The following SLC4A5 variants were observed in gnomAD, a reference collection of about 807,000 sequenced individuals.
SLC4A5 encodes solute carrier family 4 member 5.
In SLC4A5, 96 loss-of-function variants were observed where a neutral mutation model predicts 120.4. The ratio of observed to expected loss-of-function variants is 0.80; its 90% CI spans 0.68 to 0.94. The LOEUF is 0.94. Ranked by LOEUF, SLC4A5 falls within the 40% of genes least tolerant of loss-of-function variation. The pLI is 0.00. For missense variants in SLC4A5, 1,259 were observed against 1,459.5 expected, an observed-to-expected ratio of 0.86 and a Z score of 2.24; for synonymous variants, 550 against 571.1, an observed-to-expected ratio of 0.96 and a Z score of 0.53.
chr2:74,313,155 G>A (rs905300986), intron 6 of SLC4A5, among the ~76,000 whole-genome samples: 8 of 151,136 alleles, frequency 5.3e-5, no homozygotes, highest in Admixed American at 4.6e-4. Context: ...GGGTAGCTTG[G>A]ACTATAGGCA....
chr2:74,218,445 T>C (rs1694511669), exon 31 of SLC4A5: 1 of 152,218 alleles, frequency 6.6e-6, no homozygotes, highest in African/African-American at 2.4e-5. Flanking sequence ...GTATTTTAAT[T>C]ACTACAAAGG....
intron 8 of SLC4A5, 144 bp downstream of exon 8, chr2:74,285,628 TG>T: frequency 3.5e-6 from 3 of 854,722 alleles, no homozygotes; most frequent in South Asian, 3.3e-5. Flanking sequence ...TCCTTAGTTC[TG>T]GACACCAAGG....
chr2:74,228,772 A>G (rs1694946259), intron 25 of SLC4A5, among the ~76,000 whole-genome samples: 1 of 151,752 alleles, frequency 6.6e-6, no homozygotes, highest in Non-Finnish European at 1.5e-5. Context: ...CCAACTAACC[A>G]CCAATAGTTT....
intron 10 of SLC4A5, 52 bp from the exon 11 acceptor site, chr2:74,262,284 G>A (rs761755114): frequency 1.6e-5 from 24 of 1,515,486 alleles, no homozygotes; most frequent in African/African-American, 1.1e-4. Flanking sequence ...CTGGTGTAGC[G>A]AAGCCTCTTG....
At chr2:74,301,630 G>T (rs979285227) in intron 7 of SLC4A5, among the ~76,000 whole-genome samples, 31 of 152,270 alleles carry the variant, frequency 2.0e-4, no homozygotes, top group African/African-American at 7.2e-4. Context: ...CAGGTAAAAT[G>T]ATTCTGGCGC....
At chr2:74,327,333 A>G (rs1182283575) in intron 5 of SLC4A5, among the ~76,000 whole-genome samples, 5 of 152,186 alleles carry the variant, frequency 3.3e-5, no homozygotes, top group Non-Finnish European at 7.3e-5. Flanking sequence ...GACAGCCCAG[A>G]GTATTTCAGA....
At chr2:74,306,927 T>A in intron 6 of SLC4A5, 1 of 615,104 alleles carries the variant, frequency 1.6e-6, no homozygotes, top group Non-Finnish European at 3.0e-6. Flanking sequence ...CAGCAGGGCC[T>A]TGTACTCCTG....
At chr2:74,259,674 G>A in intron 11 of SLC4A5, 31 bp from the exon 12 acceptor site, 1 of 1,612,332 alleles carries the variant, frequency 6.2e-7, no homozygotes, top group Non-Finnish European at 8.5e-7. Flanking sequence ...GATCCATCAG[G>A]GGAAGCCAGG....
chr2:74,330,868 A>T (rs868680297), intron 4 of SLC4A5, among the ~76,000 whole-genome samples: 2 of 14,826 alleles, frequency 1.3e-4, no homozygotes, highest in Non-Finnish European at 2.4e-4. Flanking sequence ...GGTGAGGTAT[A>T]GGAGGTGGTG....
chr2:74,262,174 G>A (rs2104034873), exon 11 of SLC4A5: 1 of 1,613,904 alleles, frequency 6.2e-7, no homozygotes. Flanking sequence ...GCATCCGCAG[G>A]TCTTCCGTGG....
At chr2:74,239,419 G>A in exon 21 of SLC4A5, 1 of 1,614,198 alleles carries the variant, frequency 6.2e-7, no homozygotes, top group Non-Finnish European at 8.5e-7. Flanking sequence ...TGAAGGACAT[G>A]AGCGCCAGGT....
chr2:74,311,169 T>C (rs1672794471), intron 6 of SLC4A5, among the ~76,000 whole-genome samples: 1 of 152,152 alleles, frequency 6.6e-6, no homozygotes, highest in South Asian at 2.1e-4. Context: ...TCATTTCTGA[T>C]ATTAATGTAT....
At chr2:74,256,932 G>A (rs1349024857) in intron 12 of SLC4A5, among the ~76,000 whole-genome samples, 1 of 152,194 alleles carries the variant, frequency 6.6e-6, no homozygotes, top group East Asian at 1.9e-4. Context: ...GTAGAGGACA[G>A]CTCTGAAGAG....
chr2:74,239,856 C>G (rs1670381844), intron 20 of SLC4A5, among the ~76,000 whole-genome samples: 1 of 151,968 alleles, frequency 6.6e-6, no homozygotes, highest in Non-Finnish European at 1.5e-5. Context: ...AGTGTCTCAT[C>G]TTTATTCTCT....
chr2:74,310,571 C>G (rs940653095), intron 6 of SLC4A5, among the ~76,000 whole-genome samples: 3 of 151,972 alleles, frequency 2.0e-5, no homozygotes, highest in Non-Finnish European at 4.4e-5. Context: ...TGTGATTTTT[C>G]TCCTTTGGCC....
rs185975253 is a variant in SLC4A5, at chr2:74,321,463, G to A, written c.-2-6438C>T. Among the ~76,000 whole-genome samples, 142 of 152,154 alleles carry A rather than the reference G, an allele frequency of 9.3e-4. 1 individual carries two copies. The highest frequency in any genetic ancestry group is 3.3e-3 in the African/African-American group (135 of 41,522). ...AACTACAGTTTGCCCAGTTAAATTT[G>A]AATTTCAGATAACAACAAATAACTT... On this transcript the variant is annotated intron_variant, in intron 5 of 30. Transcript: ENST00000394019.
At chr2:74,268,984 G>C (rs1351256835) in intron 8 of SLC4A5, among the ~76,000 whole-genome samples, 1 of 152,224 alleles carries the variant, frequency 6.6e-6, no homozygotes, top group African/African-American at 2.4e-5. Context: ...ACAGAATGGG[G>C]AGATCTAATT....
intron 6 of SLC4A5, among the ~76,000 whole-genome samples, chr2:74,309,268 C>T (rs1297076618): frequency 2.0e-5 from 3 of 151,944 alleles, no homozygotes; most frequent in African/African-American, 7.3e-5. Context: ...ATTCCATCAC[C>T]ATTTGCTGAA....
chr2:74,248,930 G>GATAAC (rs1670704869), intron 17 of SLC4A5, among the ~76,000 whole-genome samples: 1 of 152,208 alleles, frequency 6.6e-6, no homozygotes, highest in Non-Finnish European at 1.5e-5. Context: ...CACTGAACAA[G>GATAAC]ATAACATATC....
Sources: allele counts gnomAD v4.1 joint callset (sites outside exome capture counted in the v4.1 genomes callset), GRCh38; gene constraint gnomAD v4.1.1; transcripts MANE v1.5; gene names NCBI Gene and HGNC (gene_info 2026-07-23, HGNC 2026-07-21).